The following SELENOO variants were observed in gnomAD, a reference collection of about 807,000 sequenced individuals.
The protein encoded by SELENOO is selenoprotein O.
In SELENOO, 74 loss-of-function variants were observed where a neutral mutation model predicts 58.7. The observed-to-expected ratio is 1.26, with a 90% CI of 1.04 to 1.53. The LOEUF is 1.53. Among genes scored for constraint, SELENOO ranks in the 40% most tolerant of loss-of-function variants. The pLI is 0.00. For missense variants in SELENOO, 1,149 were observed against 970.0 expected, an observed-to-expected ratio of 1.18 and a Z score of -2.45; for synonymous variants, 543 against 453.2, an observed-to-expected ratio of 1.20 and a Z score of -2.52.
At position 50,208,582 on chromosome 22, in the gene SELENOO, C is replaced by T. The variant is rs766822774; in HGVS notation, c.805C>T (p.Arg269Cys). ...TAAGTCTGCAGATGAGCACACAGGGCGTGCAGGCCCCAGCGTGGGGAGGAA... is the reference window on the plus strand; with the variant it reads ...TAAGTCTGCAGATGAGCACACAGGGTGTGCAGGCCCCAGCGTGGGGAGGAA... ...IFKSADEHTG[R>C]AGPSVGRNDI... The change falls in exon 3 of 9, where the codon CGT (arginine) becomes TGT (cysteine). Residue 269 changes from arginine (R) to cysteine (C), a missense_variant. By Grantham distance (180) the Arg-to-Cys change is radical. Transcript: ENST00000380903. 2.5e-5 allele frequency: 41 copies of T among 1,613,810 alleles called. No individual in the cohort carries two copies. Among genetic ancestry groups the T allele is most frequent in the Middle Eastern group, 1.6e-4 (1 of 6,082 alleles).
intron 3 of SELENOO, 101 bp downstream of exon 3, chr22:50,208,817 C>T: frequency 8.6e-7 from 1 of 1,163,522 alleles, no homozygotes; most frequent in Non-Finnish European, 1.2e-6. Context: ...AGGCTTTTAC[C>T]CAGCCTCCCC....
chr22:50,216,989 A>C lies in SELENOO; in HGVS notation c.1706A>C (p.Asp569Ala). 1 of 1,610,522 alleles carries C rather than the reference A, an allele frequency of 6.2e-7. No homozygotes were observed. Among genetic ancestry groups the C allele is most frequent in the African/African-American group, 1.3e-5 (1 of 75,038 alleles). ...LQAYRARLDK[D>A]LEGAGDAAAW... is the part of the protein sequence containing the mutation. ...CATTCCAGAGCCCGGCTGGACAAGG[A>C]CCTGGAAGGCGCTGGGGACGCTGCC... The change falls in exon 8 of 9, where the codon GAC becomes GCC. Residue 569 changes from aspartate (D) to alanine (A), a missense_variant. Coordinates refer to ENST00000380903, the MANE Select transcript of SELENOO (RefSeq NM_031454.2).
chr22:50,210,710 T>C lies in SELENOO; in HGVS notation c.1150T>C (p.Trp384Arg). 6.2e-7 allele frequency: 1 copy of C among 1,613,324 alleles called. No homozygotes were observed. The highest frequency in any genetic ancestry group is 1.1e-5 in the South Asian group (1 of 91,076). The change falls in exon 5 of 9, where the codon TGG (tryptophan) becomes CGG (arginine). Residue 384 changes from tryptophan to arginine, a missense_variant. Transcript: ENST00000380903. ...CAGCAAGCAGCCCGAGGTGTGCAGG[T>C]GGAACCTGCGGAAGCTGGCCGAGGC... Reference protein sequence around the residue: ...AYSKQPEVCRWNLRKLAEALQ... With the variant: ...AYSKQPEVCRRNLRKLAEALQ...
At chr22:50,201,671 G>T (rs1017542668) in intron 1 of SELENOO, 81 bp downstream of exon 1, 1 of 1,046,858 alleles carries the variant, frequency 9.6e-7, no homozygotes, top group Non-Finnish European at 1.2e-6. Flanking sequence ...GGTGTTGGGG[G>T]CGTCCGGCGG....
chr22:50,201,455 A>G lies in SELENOO; in HGVS notation c.419A>G (p.Tyr140Cys). Residue 140 changes from tyrosine (Y) to cysteine (C), a missense_variant, in exon 1 of 9, where the codon TAC (tyrosine) becomes TGC (cysteine). By Grantham distance (194) the Tyr-to-Cys change is radical (BLOSUM62 -2). Transcript: ENST00000380903. ...LPGAEPAAHCYCGHQFGQFAG... is the reference protein window; with the variant it reads ...LPGAEPAAHCCCGHQFGQFAG... ...GGCGCCGAGCCCGCCGCGCACTGCTACTGCGGCCACCAATTCGGCCAGTTC... is the reference window on the plus strand; with the variant it reads ...GGCGCCGAGCCCGCCGCGCACTGCTGCTGCGGCCACCAATTCGGCCAGTTC... 7.0e-7 allele frequency: 1 copy of G among 1,418,812 alleles called. No homozygotes were observed. The highest frequency in any genetic ancestry group is 9.2e-7 in the Non-Finnish European group (1 of 1,083,396). The allele number at this position is 1,418,812 out of a possible 1,614,324, so 87.9% of individuals were successfully genotyped here. A position where few individuals can be genotyped will look rare whatever the true frequency, so the allele number is the denominator to read the frequency against.
At chr22:50,213,462 TTTCTGTGTGCCCTGGAGAA>T (rs1173757128) in intron 5 of SELENOO, among the ~76,000 whole-genome samples, 3 of 152,184 alleles carry the variant, frequency 2.0e-5, no homozygotes, top group Admixed American at 2.0e-4. Flanking sequence ...CTTGGAGAAC[TTTCTGTGTGCCCTGGAGAA>T]GACGGTGTGC....
intron 1 of SELENOO, chr22:50,205,780 G>A (rs2064329002): frequency 6.4e-6 from 1 of 156,562 alleles, no homozygotes; most frequent in African/African-American, 2.4e-5. Flanking sequence ...GCGAGACCTG[G>A]GGGTCAGAAG....
chr22:50,215,628 AG>A (rs2064400687), intron 5 of SELENOO, 88 bp from the exon 6 acceptor site: 9 of 1,000,272 alleles, frequency 9.0e-6, no homozygotes, highest in African/African-American at 8.0e-5. Context: ...CACCTGTGCC[AG>A]GGGGGTGGGG....
chr22:50,206,327 G>A lies in SELENOO; in HGVS notation c.565G>A (p.Gly189Ser), dbSNP rs771557480. 7 of 1,613,600 alleles carry A rather than the reference G, an allele frequency of 4.3e-6. No homozygotes were observed. In the South Asian group the frequency reaches 4.4e-5, roughly 10 times the overall value. ...GPTPFSRQAD[G>S]RKVLRSSIRE... ...TGTGTTTGGTTTCAGACAGGCCGAC[G>A]GTCGCAAGGTCCTACGGTCAAGCAT... Residue 189 changes from glycine (G) to serine (S), a missense_variant, in exon 2 of 9, where the codon GGT becomes AGT. Gly to Ser is a moderately conservative substitution (Grantham distance 56). Coordinates refer to ENST00000380903, the MANE Select transcript of SELENOO (RefSeq NM_031454.2).
At chr22:50,213,214 C>G (rs1481971623) in intron 5 of SELENOO, among the ~76,000 whole-genome samples, 1 of 151,746 alleles carries the variant, frequency 6.6e-6, no homozygotes, top group African/African-American at 2.4e-5. Flanking sequence ...GCATGCTCCA[C>G]CACACCTAGC....
At chr22:50,216,090 CAG>C (rs1025130425) in intron 6 of SELENOO, among the ~76,000 whole-genome samples, 9 of 152,272 alleles carry the variant, frequency 5.9e-5, no homozygotes, top group East Asian at 3.9e-4. Flanking sequence ...TGGGGGCAGA[CAG>C]TGGTCTCTGC....
rs776538110 is a variant in SELENOO at position 50,210,362 on chromosome 22, C to T, written c.1070+51C>T. Reference sequence around the variant, plus strand: ...GTGCAGGCCCCAGGGCTGGGGGGTGCGGGCTGCATGAAACCTGCTGCCCCC... The same window carrying T: ...GTGCAGGCCCCAGGGCTGGGGGGTGTGGGCTGCATGAAACCTGCTGCCCCC... On this transcript the variant is annotated intron_variant, in intron 4 of 8. Transcript: ENST00000380903. The T allele has an allele frequency of 2.5e-5, 39 of 1,586,278 alleles. No homozygotes were observed. The East Asian group carries it at 2.9e-4, about 12-fold the overall frequency.
rs779369008 is a variant in SELENOO at position 50,216,866 on chromosome 22, C to T, written c.1678C>T (p.Gln560Ter). The part of the protein sequence containing the change: ...RNQGHWADWL[Q>*]AYRARLDKDL... ...CCAGGGCCACTGGGCTGACTGGCTACAGGCGTACAGGTGAGCCCTGCGTCC... is the reference window on the plus strand; with the variant it reads ...CCAGGGCCACTGGGCTGACTGGCTATAGGCGTACAGGTGAGCCCTGCGTCC... The change falls in exon 7 of 9, where the codon CAG (glutamine) becomes TAG (stop). Residue 560 changes from glutamine to a stop codon, truncating the protein, a stop_gained. Transcript: ENST00000380903. LOFTEE classifies it high-confidence loss of function. 11 of 1,607,282 alleles carry T rather than the reference C, an allele frequency of 6.8e-6. No individual in the cohort carries two copies. Among genetic ancestry groups the T allele is most frequent in the Non-Finnish European group, 9.3e-6 (11 of 1,179,844 alleles).
intron 1 of SELENOO, 69 bp from the exon 2 acceptor site, chr22:50,206,248 C>A: frequency 7.2e-7 from 1 of 1,394,884 alleles, no homozygotes; most frequent in South Asian, 1.2e-5. Context: ...TTTCCATGTG[C>A]TGCCCGGAAT....
chr22:50,210,337 G>A (rs781765036), intron 4 of SELENOO, 26 bp downstream of exon 4: 1 of 1,607,606 alleles, frequency 6.2e-7, no homozygotes, highest in South Asian at 1.1e-5. Context: ...GCCCAGCAAA[G>A]TGCAGGCCCC....
chr22:50,215,016 C>T (rs1057502974), intron 5 of SELENOO, among the ~76,000 whole-genome samples: 1 of 152,214 alleles, frequency 6.6e-6, no homozygotes, highest in Non-Finnish European at 1.5e-5. Context: ...TCTGGTCGCT[C>T]ACGTTCTCCC....
chr22:50,217,333 C>G lies in SELENOO; in HGVS notation c.1974C>G (p.Leu658=). The change falls in exon 9 of 9, where the codon CTC becomes CTG. Residue 658 remains leucine, a synonymous_variant. Coordinates refer to ENST00000380903, the MANE Select transcript of SELENOO (RefSeq NM_031454.2). ...GCTCCTACAGCAGTAAGCCCCCGCT[C>G]TGGGCAGCAGAACTGTGCGTGACAT... The part of the protein sequence containing the change: ...RQRSYSSKPP[L]WAAELCVTUS... 6.2e-7 allele frequency: 1 copy of G among 1,612,974 alleles called. No homozygotes were observed. Among genetic ancestry groups the G allele is most frequent in the South Asian group, 1.1e-5 (1 of 91,076 alleles).
intron 5 of SELENOO, 82 bp from the exon 6 acceptor site, chr22:50,215,635 T>TTG: frequency 1.1e-6 from 1 of 892,014 alleles, no homozygotes; most frequent in Non-Finnish European, 1.5e-6. Flanking sequence ...GCCAGGGGGG[T>TTG]GGGGGGGGGG....
intron 1 of SELENOO, 153 bp from the exon 2 acceptor site, chr22:50,206,164 A>G (rs537624919): frequency 1.7e-5 from 11 of 642,742 alleles, no homozygotes; most frequent in Admixed American, 1.6e-4. Flanking sequence ...GGAGGCTCAC[A>G]AGGCACCTGA....
Sources: allele counts gnomAD v4.1 joint callset (sites outside exome capture counted in the v4.1 genomes callset), GRCh38; gene constraint gnomAD v4.1.1; transcripts MANE v1.5; gene names NCBI Gene and HGNC (gene_info 2026-07-23, HGNC 2026-07-21).